PDE1C: variants seen among roughly 807,000 people sequenced by gnomAD.
PDE1C encodes dual specificity calcium/calmodulin-dependent 3',5'-cyclic nucleotide phosphodiesterase 1C.
PDE1C carries 62 observed loss-of-function variants against 93.1 expected under a neutral mutation model. The observed-to-expected ratio is 0.67, with a 90% CI of 0.54 to 0.82. PDE1C has a LOEUF of 0.82. PDE1C is among the 40% of genes least tolerant of loss of function. The pLI, the probability that PDE1C is intolerant of heterozygous loss-of-function variation, is 0.00. For missense variants in PDE1C, 742 were observed against 884.6 expected (o/e 0.84, Z 2.04); for synonymous variants, 325 against 310.1 (o/e 1.05, Z -0.50).
At chr7:32,412,694 C>T (rs1045785292) in intron 1 of PDE1C, among the ~76,000 whole-genome samples, 1 of 20,008 alleles carries the variant, frequency 5.0e-5, no homozygotes, top group African/African-American at 2.1e-4. Flanking sequence ...ATATGCAGTC[C>T]ATCATTGCCC....
At chr7:31,705,284 G>A in the PDE1C span, among the ~76,000 whole-genome samples, 1 of 152,068 alleles carries the variant, frequency 6.6e-6, no homozygotes, top group African/African-American at 2.4e-5. Context: ...ATCTGGATTT[G>A]GGAACTTAAA....
At chr7:31,918,165 A>G (rs1205340030) in intron 2 of PDE1C, among the ~76,000 whole-genome samples, 1 of 152,188 alleles carries the variant, frequency 6.6e-6, no homozygotes, top group African/African-American at 2.4e-5. Context: ...TATTTCAATG[A>G]TAGATATCAA....
chr7:32,206,208 A>G (rs1346037448), intron 2 of PDE1C, among the ~76,000 whole-genome samples: 4 of 151,992 alleles, frequency 2.6e-5, no homozygotes, highest in Admixed American at 6.6e-5. Flanking sequence ...TTGAGGATAT[A>G]TTCTGGGGGG....
chr7:31,616,876 C>T, the PDE1C span, among the ~76,000 whole-genome samples: 2 of 151,916 alleles, frequency 1.3e-5, no homozygotes, highest in Non-Finnish European at 2.9e-5. Context: ...ACCAGATACC[C>T]AAACCTCTCT....
At chr7:32,245,287 G>A (rs13238880) in intron 1 of PDE1C, among the ~76,000 whole-genome samples, 15,983 of 152,108 alleles carry the variant, frequency 0.11, 899 homozygotes, top group East Asian at 0.13. Context: ...CCTTCTCTTT[G>A]TTTATCTTTA....
intron 1 of PDE1C, among the ~76,000 whole-genome samples, chr7:32,370,192 G>A (rs140829880): frequency 1.3e-5 from 2 of 152,310 alleles, no homozygotes; most frequent in African/African-American, 4.8e-5. Flanking sequence ...GCTCACGCCT[G>A]TAATCCCAGC....
intron 11 of PDE1C, among the ~76,000 whole-genome samples, chr7:31,833,190 T>G (rs537716318): frequency 6.6e-5 from 10 of 152,332 alleles, no homozygotes; most frequent in Admixed American, 6.5e-4. Flanking sequence ...CTGGCTGCCA[T>G]GTAAGACATC....
the PDE1C span, among the ~76,000 whole-genome samples, chr7:31,654,477 G>A: frequency 6.6e-6 from 1 of 152,208 alleles, no homozygotes; most frequent in African/African-American, 2.4e-5. Flanking sequence ...CATATAATCT[G>A]ATTTACGTTT....
chr7:32,165,901 C>T (rs1802223251), intron 3 of PDE1C, among the ~76,000 whole-genome samples: 1 of 152,110 alleles, frequency 6.6e-6, no homozygotes, highest in Admixed American at 6.5e-5. Context: ...AGAACAACAT[C>T]CTTGGGCCCC....
intron 5 of PDE1C, 98 bp from the exon 6 acceptor site, chr7:31,873,506 A>G: frequency 2.8e-6 from 2 of 722,526 alleles, no homozygotes; most frequent in Non-Finnish European, 4.9e-6. Flanking sequence ...CCCTCACTGG[A>G]GATTTCACAG....
At chr7:32,069,338 A>G (rs1795755606) in intron 1 of PDE1C, among the ~76,000 whole-genome samples, 1 of 152,234 alleles carries the variant, frequency 6.6e-6, no homozygotes, top group South Asian at 2.1e-4. Flanking sequence ...TTTTCCCATC[A>G]GTGCCCTTGT....
At chr7:31,856,924 C>G (rs1159280345) in intron 7 of PDE1C, among the ~76,000 whole-genome samples, 1 of 152,124 alleles carries the variant, frequency 6.6e-6, no homozygotes, top group African/African-American at 2.4e-5. Flanking sequence ...CCTGAGACCT[C>G]TCTCCTTGCC....
the PDE1C span, among the ~76,000 whole-genome samples, chr7:31,687,859 A>T: frequency 6.6e-6 from 1 of 152,186 alleles, no homozygotes; most frequent in Non-Finnish European, 1.5e-5. Flanking sequence ...CTTTTATTCC[A>T]TCCAGTAAAT....
chr7:32,377,813 A>G (rs1784458380), intron 1 of PDE1C, among the ~76,000 whole-genome samples: 1 of 152,140 alleles, frequency 6.6e-6, no homozygotes, highest in Non-Finnish European at 1.5e-5. Context: ...CTCCGCCACT[A>G]TACTCTATTG....
At chr7:31,926,213 C>T (rs771219689) in intron 2 of PDE1C, among the ~76,000 whole-genome samples, 2 of 152,000 alleles carry the variant, frequency 1.3e-5, no homozygotes, top group African/African-American at 4.8e-5. Context: ...TGTCCTGAAA[C>T]GATTTTTCTT....
chr7:31,974,232 T>G (rs933094126), intron 2 of PDE1C, among the ~76,000 whole-genome samples: 2 of 152,200 alleles, frequency 1.3e-5, no homozygotes, highest in Admixed American at 1.3e-4. Context: ...TAAATGATTT[T>G]TATCAGGACA....
At chr7:31,639,914 T>C in the PDE1C span, among the ~76,000 whole-genome samples, 1 of 152,234 alleles carries the variant, frequency 6.6e-6, no homozygotes, top group African/African-American at 2.4e-5. Context: ...GTGGTTTCAA[T>C]TGATTGATTT....
At position 31,993,963 on chromosome 7, in the gene PDE1C, T is replaced by C. The variant is rs182199479; in HGVS notation, c.128+57591A>G. ...AACCCATATGTCTTCCCAATTTCCC[T>C]GTGTAGAAGATAGAATAAATAACCT... On this transcript the variant is annotated intron_variant, in intron 2 of 17. Coordinates refer to ENST00000396191, the MANE Select transcript of PDE1C (RefSeq NM_001191057.4). 2.6e-4 allele frequency among the ~76,000 whole-genome samples: 40 copies of C among 152,294 alleles called. No homozygotes were observed. In the East Asian group the frequency reaches 3.9e-3, roughly 15 times the overall value.
chr7:32,095,797 G>A (rs1215651655), intron 3 of PDE1C, among the ~76,000 whole-genome samples: 1 of 152,080 alleles, frequency 6.6e-6, no homozygotes, highest in African/African-American at 2.4e-5. Flanking sequence ...TGAATATACT[G>A]TCCAGGCCTT....
Sources: allele counts gnomAD v4.1 joint callset (sites outside exome capture counted in the v4.1 genomes callset), GRCh38; gene constraint gnomAD v4.1.1; transcripts MANE v1.5; gene names NCBI Gene and HGNC (gene_info 2026-07-23, HGNC 2026-07-21).